The following DNAJB2 variants were observed in gnomAD, a reference collection of about 807,000 sequenced individuals.
DNAJB2 encodes the protein dnaJ homolog subfamily B member 2.
In DNAJB2, 19 loss-of-function variants were observed where a neutral mutation model predicts 33.3. The observed-to-expected ratio is 0.57, with a 90% CI of 0.40 to 0.84. The LOEUF is 0.84. Ranked by LOEUF, DNAJB2 falls within the 40% of genes least tolerant of loss-of-function variation. DNAJB2 has a pLI of 0.00. For missense variants in DNAJB2, 368 were observed against 430.9 expected, an observed-to-expected ratio of 0.85 and a Z score of 1.29; for synonymous variants, 172 against 164.6, an observed-to-expected ratio of 1.04 and a Z score of -0.34.
Position 219,284,766 on chromosome 2 carries a change from G to C in DNAJB2, c.754G>C (p.Asp252His), listed in dbSNP as rs375536235. The change falls in exon 9 of 9, where the codon GAT becomes CAT. Residue 252 changes from aspartate (D) to histidine (H), a missense_variant. By Grantham distance (81) the Asp-to-His change is moderately conservative (BLOSUM62 -1). Transcript: ENST00000336576. The part of the protein sequence containing the change: ...SCPLDSDLSE[D>H]EDLQLAMAYS... ...CCCCTTGGACAGCGACCTCTCTGAG[G>C]ATGAGGACCTGCAGCTGGCCATGGC... 2.9e-5 allele frequency: 46 copies of C among 1,613,394 alleles called. No homozygotes were observed. Among genetic ancestry groups the C allele is most frequent in the Non-Finnish European group, 3.6e-5 (42 of 1,179,942 alleles).
At chr2:219,280,549 ACTCT>A (rs770139282) in intron 2 of DNAJB2, 25 bp from the exon 3 acceptor site, 1 of 1,580,660 alleles carries the variant, frequency 6.3e-7, no homozygotes, top group East Asian at 2.2e-5. Flanking sequence ...TTGTCCCCCG[ACTCT>A]CTCCTCTGCA....
chr2:219,282,662 G>A (rs1951916042), intron 5 of DNAJB2, 175 bp from the exon 6 acceptor site: 2 of 546,704 alleles, frequency 3.7e-6, no homozygotes, highest in Non-Finnish European at 6.2e-6. Flanking sequence ...GAATTAACCA[G>A]TGAGTGTTTT....
Position 219,285,873 on chromosome 2 carries a change from A to G in DNAJB2, c.*886A>G, listed in dbSNP as rs1466703464. On this transcript the variant is annotated 3_prime_UTR_variant, in exon 9 of 9. Coordinates refer to ENST00000336576, the MANE Select transcript of DNAJB2 (RefSeq NM_006736.6). The stretch of plus-strand genomic sequence containing the variant: ...CACCCATACTGCTTCCCTACCACAA[A>G]TCAGGGCTCAGGGAGAGGCCATGCG... 6.6e-7 allele frequency: 1 copy of G among 1,522,116 alleles called. No homozygotes were observed. Among genetic ancestry groups the G allele is most frequent in the Non-Finnish European group, 8.8e-7 (1 of 1,134,860 alleles). The allele number at this position is 1,522,116 out of a possible 1,614,324, so 94.3% of individuals were successfully genotyped here. A position where few individuals can be genotyped will look rare whatever the true frequency, so the allele number is the denominator to read the frequency against.
At chr2:219,280,448 G>C (rs771417510) in intron 2 of DNAJB2, 130 bp from the exon 3 acceptor site, 7 of 663,362 alleles carry the variant, frequency 1.1e-5, no homozygotes, top group Non-Finnish European at 1.8e-5. Context: ...AGCCCTAGCA[G>C]CTGGGGTGGA....
Position 219,285,672 on chromosome 2 carries a change from G to C in DNAJB2, c.*685G>C. The C allele has an allele frequency of 8.5e-7, 1 of 1,176,460 alleles. No homozygotes were observed. Among genetic ancestry groups the C allele is most frequent in the Non-Finnish European group, 1.1e-6 (1 of 949,286 alleles). 72.9% of individuals were successfully genotyped at this position (1,176,460 alleles called of 1,614,324 possible). A position where few individuals can be genotyped will look rare whatever the true frequency, so the allele number is the denominator to read the frequency against. On this transcript the variant is annotated 3_prime_UTR_variant, in exon 9 of 9. Transcript: ENST00000336576. ...GCTGTGAGATCTTCTGGGGAGGCTA[G>C]CCGGGTGGGGCGGGAGCCTCTCAGC... is the stretch of plus-strand genomic sequence containing the variant.
Position 219,283,242 on chromosome 2 carries a change from GCTC to G in DNAJB2, c.548+10_548+12del. On this transcript the variant is annotated splice_region_variant and intron_variant, in intron 7 of 8. Transcript: ENST00000336576. Reference sequence around the variant, plus strand: ...GCCGCATCACCACACGCAGGTGAGAGCTCCTTCTGGGGCCATAGAGGGGTGAGA... The same window carrying G: ...GCCGCATCACCACACGCAGGTGAGAGCTTCTGGGGCCATAGAGGGGTGAGA... The G allele has an allele frequency of 6.2e-7, 1 of 1,614,210 alleles. No homozygotes were observed. Among genetic ancestry groups the G allele is most frequent in the Non-Finnish European group, 8.5e-7 (1 of 1,180,008 alleles).
At chr2:219,280,820 C>T (rs569311286) in intron 3 of DNAJB2, 133 bp downstream of exon 3, 49 of 678,720 alleles carry the variant, frequency 7.2e-5, no homozygotes, top group African/African-American at 7.2e-4. Flanking sequence ...TAAGCTCCCC[C>T]CTCCCACAGG....
chr2:219,282,407 G>T, intron 5 of DNAJB2: 1 of 375,634 alleles, frequency 2.7e-6, no homozygotes, highest in Admixed American at 4.4e-5. Flanking sequence ...TGATAGATAT[G>T]TGCCAAATAT....
Position 219,285,588 on chromosome 2 carries a change from TCTTC to T in DNAJB2, c.*611_*614del, listed in dbSNP as rs1951947991. ...CACTGCCGTCTGGCTAGGACTCCCTTCTTCCTTCCTTCCCCGAGAAGGCCTCAAT... is the reference window on the plus strand; with the variant it reads ...CACTGCCGTCTGGCTAGGACTCCCTTCTTCCTTCCCCGAGAAGGCCTCAAT... On this transcript the variant is annotated 3_prime_UTR_variant, in exon 9 of 9. Coordinates refer to ENST00000336576, the MANE Select transcript of DNAJB2 (RefSeq NM_006736.6). 7 of 1,057,252 alleles carry T rather than the reference TCTTC, an allele frequency of 6.6e-6. No homozygotes were observed. The highest frequency in any genetic ancestry group is 5.0e-5 in the Admixed American group (1 of 20,092). The allele number at this position is 1,057,252 out of a possible 1,614,324, so 65.5% of individuals were successfully genotyped here. A position where few individuals can be genotyped will look rare whatever the true frequency, so the allele number is the denominator to read the frequency against.
At chr2:219,284,588 C>T in intron 8 of DNAJB2, 44 bp from the exon 9 acceptor site, 1 of 1,541,460 alleles carries the variant, frequency 6.5e-7, no homozygotes. Flanking sequence ...GCAGTAATAC[C>T]CCTGGCTCAG....
intron 8 of DNAJB2, 92 bp from the exon 9 acceptor site, chr2:219,284,538 ACT>A (rs992991030): frequency 4.5e-5 from 65 of 1,450,060 alleles, no homozygotes; most frequent in Non-Finnish European, 5.7e-5. Flanking sequence ...CAAATAAGAG[ACT>A]CTAAGTGGTC....
chr2:219,280,194 C>T, intron 2 of DNAJB2: 1 of 531,496 alleles, frequency 1.9e-6, no homozygotes, highest in Non-Finnish European at 3.4e-6. Flanking sequence ...CTCCCCCTTC[C>T]CCCTAGATTT....
In DNAJB2 at chr2:219,284,948, A is replaced by C; in HGVS notation, c.936A>C (p.Pro312=). ...GGGGTGAAGCAACCAAACGCAGTCC[A>C]TCCCCAGAGGAGAAGGCCTCTCGCT... ...GARGEATKRS[P]SPEEKASRCL... The change falls in exon 9 of 9, where the codon CCA becomes CCC. Residue 312 remains proline (P), a synonymous_variant. Transcript: ENST00000336576. 1 of 1,553,940 alleles carries C rather than the reference A, an allele frequency of 6.4e-7. No individual in the cohort carries two copies. Among genetic ancestry groups the C allele is most frequent in the African/African-American group, 1.4e-5 (1 of 73,924 alleles).
At chr2:219,282,225 G>A (rs897973082) in intron 5 of DNAJB2, 164 bp downstream of exon 5, 24 of 1,049,680 alleles carry the variant, frequency 2.3e-5, no homozygotes, top group African/African-American at 2.2e-4. Flanking sequence ...AGAACCTCAC[G>A]TGTGCCAGAA....
chr2:219,285,244 A>G lies in DNAJB2; in HGVS notation c.*257A>G. 8 of 1,196,020 alleles carry G rather than the reference A, an allele frequency of 6.7e-6. No individual in the cohort carries two copies. The highest frequency in any genetic ancestry group is 8.3e-6 in the Non-Finnish European group (8 of 963,722). The allele number at this position is 1,196,020 out of a possible 1,614,324, so 74.1% of individuals were successfully genotyped here. ...GGAGGGGCCCGAGGAGCCAGGTTGC[A>G]TTTATTGGATGGGGAGCTCCAAGGG... On this transcript the variant is annotated 3_prime_UTR_variant, in exon 9 of 9. Transcript: ENST00000336576.
Position 219,283,160 on chromosome 2 carries a change from G to C in DNAJB2, c.473G>C (p.Ser158Thr). The change falls in exon 7 of 9, where the codon AGT becomes ACT. Residue 158 changes from serine (S) to threonine (T), a missense_variant. By Grantham distance (58) the Ser-to-Thr change is moderately conservative. Coordinates refer to ENST00000336576, the MANE Select transcript of DNAJB2 (RefSeq NM_006736.6). ...TTCTCCTCCTCATCTTTCTCCTTCA[G>C]TCCTGGGGCTGGTGCTTTTCGCTCT... is the stretch of plus-strand genomic sequence containing the variant. ...SDFSSSSFSF[S>T]PGAGAFRSVS... 3 of 1,614,202 alleles carry C rather than the reference G, an allele frequency of 1.9e-6. No homozygotes were observed. The highest frequency in any genetic ancestry group is 2.5e-6 in the Non-Finnish European group (3 of 1,180,040).
At chr2:219,280,440 C>G in intron 2 of DNAJB2, 138 bp from the exon 3 acceptor site, 1 of 641,584 alleles carries the variant, frequency 1.6e-6, no homozygotes. Context: ...GCAGCGGCAG[C>G]CCTAGCAGCT....
Position 219,281,474 on chromosome 2 carries a change from G to T in DNAJB2, c.176-244G>T, listed in dbSNP as rs6730612. 112,424 of 562,596 alleles carry T rather than the reference G, an allele frequency of 0.2. 14,553 individuals are homozygous for T. The highest frequency in any genetic ancestry group is 0.5 in the African/African-American group (26,394 of 53,162). The allele number at this position is 562,596 out of a possible 1,614,324, so 34.9% of individuals were successfully genotyped here. On this transcript the variant is annotated intron_variant, in intron 3 of 8. Transcript: ENST00000336576. ...TTACGTGGATGGTCTCATTTGATCT[G>T]TGCAACAACCCTGTGCGGTAGGTGT...
At chr2:219,281,550 T>G (rs1367396468) in intron 3 of DNAJB2, 168 bp from the exon 4 acceptor site, 1 of 751,420 alleles carries the variant, frequency 1.3e-6, no homozygotes, top group Admixed American at 2.6e-5. Flanking sequence ...TGTGAAAGGC[T>G]GAGTTGCTGC....
Sources: allele counts gnomAD v4.1 joint callset, GRCh38; gene constraint gnomAD v4.1.1; transcripts MANE v1.5; gene names NCBI Gene and HGNC (gene_info 2026-07-23, HGNC 2026-07-21).